XKR7: variants seen among roughly 807,000 people sequenced by gnomAD.
XKR7 encodes XK-related protein 7.
XKR7 carries 11 observed loss-of-function variants against 42.2 expected under a neutral mutation model. The observed-to-expected ratio is 0.26, with a 90% CI of 0.16 to 0.43. The LOEUF is 0.43. XKR7 is among the 20% of genes least tolerant of loss of function. XKR7 has a pLI of 1.00. For missense variants in XKR7, 710 were observed against 802.2 expected (o/e 0.89, Z 1.39); for synonymous variants, 346 against 366.4 (o/e 0.94, Z 0.64).
intron 1 of XKR7, among the ~76,000 whole-genome samples, chr20:31,990,306 C>T (rs2064564642): frequency 6.6e-6 from 1 of 151,980 alleles, no homozygotes; most frequent in African/African-American, 2.4e-5. Flanking sequence ...GTTGGGATTA[C>T]AGGTGTGAGC....
intron 1 of XKR7, among the ~76,000 whole-genome samples, chr20:31,991,237 C>T (rs1251610929): frequency 6.6e-6 from 1 of 152,186 alleles, no homozygotes; most frequent in Non-Finnish European, 1.5e-5. Context: ...TCACCTTCCC[C>T]CAACTCCCCA....
At chr20:31,989,574 G>A (rs184929908) in intron 1 of XKR7, among the ~76,000 whole-genome samples, 45 of 152,284 alleles carry the variant, frequency 3.0e-4, no homozygotes, top group Non-Finnish European at 5.6e-4. Context: ...GATGACTGTG[G>A]CCTGCACAGG....
intron 1 of XKR7, among the ~76,000 whole-genome samples, chr20:31,992,170 A>C (rs1474908203): frequency 6.6e-6 from 1 of 152,128 alleles, no homozygotes. Flanking sequence ...ACTGAGATCA[A>C]ATGTTTCTTC....
chr20:31,983,324 T>C (rs1434659892), intron 1 of XKR7, among the ~76,000 whole-genome samples: 2 of 152,154 alleles, frequency 1.3e-5, no homozygotes, highest in Non-Finnish European at 2.9e-5. Context: ...CAGGTTGTGA[T>C]GTGTGTTACT....
Position 31,995,836 on chromosome 20 carries a change from C to T in XKR7, c.787+566C>T, listed in dbSNP as rs949907146. On this transcript the variant is annotated intron_variant, in intron 2 of 2. Transcript: ENST00000562532. This position sits in a 1 kb window ranked among gnomAD's most constrained non-coding sequence, Gnocchi z 4.1. ...TTGCCCCTTCCATAATGACAGAGCC[C>T]CTCAATATCAGAGAAAAACCGCATC... Among the ~76,000 whole-genome samples, 12 of 151,974 alleles carry T rather than the reference C, an allele frequency of 7.9e-5. No individual in the cohort carries two copies. The highest frequency in any genetic ancestry group is 2.7e-4 in the African/African-American group (11 of 41,354).
chr20:31,981,843 A>G (rs2064514676), intron 1 of XKR7, among the ~76,000 whole-genome samples: 1 of 151,882 alleles, frequency 6.6e-6, no homozygotes, highest in African/African-American at 2.4e-5. Flanking sequence ...GCTCCCTCCC[A>G]CTTCAGGACT....
Position 31,997,783 on chromosome 20 carries a change from C to A in XKR7, c.*326C>A, listed in dbSNP as rs1568894915. On this transcript the variant is annotated 3_prime_UTR_variant, in exon 3 of 3. Coordinates refer to ENST00000562532, the MANE Select transcript of XKR7 (RefSeq NM_001011718.2). ...CTGCCTGGCGTTGCCCATGTGTTGC[C>A]CCTGCTGGACTTGCCAGAGAAAGGG... 1 of 322,898 alleles carries A rather than the reference C, an allele frequency of 3.1e-6. No homozygotes were observed. Among genetic ancestry groups the A allele is most frequent in the Non-Finnish European group, 5.7e-6 (1 of 174,698 alleles). The allele number at this position is 322,898 out of a possible 1,614,324, so 20.0% of individuals were successfully genotyped here.
At chr20:31,974,128 G>A (rs2064475810) in intron 1 of XKR7, among the ~76,000 whole-genome samples, 2 of 152,152 alleles carry the variant, frequency 1.3e-5, no homozygotes, top group East Asian at 1.9e-4. Context: ...GGCAGGTGGA[G>A]GTTGCAGTGA....
chr20:31,994,386 A>G (rs1236956838), intron 1 of XKR7, among the ~76,000 whole-genome samples: 1 of 152,140 alleles, frequency 6.6e-6, no homozygotes, highest in Non-Finnish European at 1.5e-5. Flanking sequence ...GATAAATGAC[A>G]TATCTCTCTG....
chr20:31,987,329 C>G (rs1177788580), intron 1 of XKR7, among the ~76,000 whole-genome samples: 2 of 149,872 alleles, frequency 1.3e-5, no homozygotes, highest in Non-Finnish European at 3.0e-5. Context: ...AAGGCACAGA[C>G]AGACCACCAA....
In XKR7 at chr20:31,968,800, G is replaced by T. The variant is rs751328498; in HGVS notation, c.584+41G>T. On this transcript the variant is annotated intron_variant, in intron 1 of 2. Transcript: ENST00000562532. This position sits in a 1 kb window ranked among gnomAD's most constrained non-coding sequence, Gnocchi z 4.5. ...GTGGAGGGACCTGAGCCCGAGGAGT[G>T]GGGGTGGCGAAGGGCTACCTGACGT... 4.8e-6 allele frequency: 7 copies of T among 1,453,512 alleles called. No individual in the cohort carries two copies. Among genetic ancestry groups the T allele is most frequent in the Non-Finnish European group, 6.3e-6 (7 of 1,108,506 alleles). The allele number at this position is 1,453,512 out of a possible 1,614,324, so 90.0% of individuals were successfully genotyped here.
chr20:31,986,669 GAC>G (rs2064542419), intron 1 of XKR7, among the ~76,000 whole-genome samples: 1 of 140,088 alleles, frequency 7.1e-6, no homozygotes, highest in Admixed American at 7.3e-5. Context: ...AAGCATCCAA[GAC>G]ACAGACAGAC....
At chr20:31,980,992 G>C (rs1393975189) in intron 1 of XKR7, among the ~76,000 whole-genome samples, 1 of 151,518 alleles carries the variant, frequency 6.6e-6, no homozygotes, top group African/African-American at 2.4e-5. Context: ...TTGAGCCCAG[G>C]AGGTCGAGGC....
intron 1 of XKR7, 142 bp from the exon 2 acceptor site, chr20:31,994,926 C>G: frequency 7.1e-7 from 1 of 1,402,820 alleles, no homozygotes; most frequent in Non-Finnish European, 9.5e-7. Context: ...GTGATCCTTT[C>G]GAAATGCCCA....
intron 1 of XKR7, among the ~76,000 whole-genome samples, chr20:31,972,438 G>A (rs1284303730): frequency 1.3e-5 from 2 of 152,176 alleles, no homozygotes; most frequent in Admixed American, 1.3e-4. Context: ...ATCCTCTGGC[G>A]GGGCACGAAG....
Position 31,996,672 on chromosome 20 carries a change from C to T in XKR7, c.955C>T (p.Leu319Phe), listed in dbSNP as rs2064593676. 1 of 1,604,456 alleles carries T rather than the reference C, an allele frequency of 6.2e-7. No homozygotes were observed. Among genetic ancestry groups the T allele is most frequent in the Admixed American group, 1.7e-5 (1 of 59,168 alleles). Residue 319 changes from leucine (L) to phenylalanine (F), a missense_variant, in exon 3 of 3, where the codon CTC (leucine) becomes TTC (phenylalanine). Physicochemically the swap from Leu to Phe is conservative, Grantham distance 22. Transcript: ENST00000562532. ...SIAARGLAFA[L>F]FASVYKLYFG... Reference sequence around the variant, plus strand: ...TGCCGCCCGCGGCCTGGCCTTCGCGCTCTTCGCCAGCGTCTACAAGCTCTA... The same window carrying T: ...TGCCGCCCGCGGCCTGGCCTTCGCGTTCTTCGCCAGCGTCTACAAGCTCTA...
chr20:31,985,483 C>T (rs1256701212), intron 1 of XKR7, among the ~76,000 whole-genome samples: 1 of 152,008 alleles, frequency 6.6e-6, no homozygotes, highest in Non-Finnish European at 1.5e-5. Flanking sequence ...CTGGCAGTCA[C>T]ACCAAGCCAC....
chr20:31,998,091 GTC>G lies in XKR7; in HGVS notation c.*636_*637del, dbSNP rs2064605525. On this transcript the variant is annotated 3_prime_UTR_variant, in exon 3 of 3. Transcript: ENST00000562532. ...GATAGGAGAAAGAACTGGGGGGGGG[GTC>G]TAGGCTGGCAGAAGCATGGAGGGGT... 1 of 112,054 alleles carries G rather than the reference GTC, an allele frequency of 8.9e-6. No individual in the cohort carries two copies. The highest frequency in any genetic ancestry group is 3.4e-5 in the African/African-American group (1 of 29,528). 6.9% of individuals were successfully genotyped at this position (112,054 alleles called of 1,614,324 possible).
chr20:31,985,933 A>G (rs1341455604), intron 1 of XKR7, among the ~76,000 whole-genome samples: 1 of 131,326 alleles, frequency 7.6e-6, no homozygotes, highest in Non-Finnish European at 1.6e-5. Context: ...ACACAGACAG[A>G]CCACCAAGCG....
Sources: allele counts gnomAD v4.1 joint callset (sites outside exome capture counted in the v4.1 genomes callset), GRCh38; gene constraint gnomAD v4.1.1; non-coding constraint Gnocchi (gnomAD v3.1); transcripts MANE v1.5; gene names NCBI Gene and HGNC (gene_info 2026-07-23, HGNC 2026-07-21).